The following MTREX variants were observed in gnomAD, a reference collection of about 807,000 sequenced individuals.
MTREX encodes the protein exosome RNA helicase MTR4.
Under a neutral mutation model 135.4 loss-of-function variants are expected in MTREX, and 76 were observed. The observed-to-expected ratio is 0.56, with a 90% CI of 0.47 to 0.68. MTREX has a LOEUF of 0.68. MTREX is among the 30% of genes least tolerant of loss of function. The pLI is 0.00. For missense variants in MTREX, 920 were observed against 1,262.1 expected (o/e 0.73, Z 4.11); for synonymous variants, 404 against 401.6 (o/e 1.01, Z -0.07).
chr5:55,355,778 CTT>C (rs916545658), intron 14 of MTREX, among the ~76,000 whole-genome samples: 1 of 152,164 alleles, frequency 6.6e-6, no homozygotes, highest in Non-Finnish European at 1.5e-5. Flanking sequence ...AAGGCATAAG[CTT>C]TGTGTTTACC....
chr5:55,344,462 AAGAT>A (rs1301353221), intron 8 of MTREX, 56 bp from the exon 9 acceptor site: 3 of 1,097,924 alleles, frequency 2.7e-6, no homozygotes, highest in Admixed American at 1.9e-5. Context: ...AGGTTGGACT[AAGAT>A]ACAGTTTTAT....
chr5:55,340,238 C>G, intron 6 of MTREX, 54 bp downstream of exon 6: 2 of 1,355,050 alleles, frequency 1.5e-6, no homozygotes, highest in South Asian at 3.6e-5. Flanking sequence ...ATTAATGTGA[C>G]TATTCAGTTA....
rs113973060 is a variant in MTREX at position 55,399,510 on chromosome 5, C to T, written c.2293-723C>T. On this transcript the variant is annotated intron_variant, in intron 20 of 26. Coordinates refer to ENST00000230640, the MANE Select transcript of MTREX (RefSeq NM_015360.5). ...TTTTTATTTTTTTATTTTTTTGAGA[C>T]GGAGTCTTGCTCTGTCGCTCAAGCC... is the stretch of plus-strand genomic sequence containing the variant. Among the ~76,000 whole-genome samples the T allele has an allele frequency of 5.9e-3, 897 of 151,918 alleles. 8 individuals carry two copies. The highest frequency in any genetic ancestry group is 0.021 in the African/African-American group (857 of 41,446).
chr5:55,376,976 C>A (rs923933338), intron 16 of MTREX, among the ~76,000 whole-genome samples: 2 of 151,848 alleles, frequency 1.3e-5, no homozygotes, highest in East Asian at 3.9e-4. Context: ...GAGGCTGAGG[C>A]AGGAGAATCA....
chr5:55,317,825 A>G (rs1222223015), intron 1 of MTREX, among the ~76,000 whole-genome samples: 1 of 152,224 alleles, frequency 6.6e-6, no homozygotes, highest in African/African-American at 2.4e-5. Flanking sequence ...GAAACTATCA[A>G]CAGAGTAAAC....
intron 5 of MTREX, among the ~76,000 whole-genome samples, chr5:55,331,559 G>A (rs569224416): frequency 6.6e-6 from 1 of 152,238 alleles, no homozygotes; most frequent in East Asian, 1.9e-4. Context: ...TCTCCTCTTG[G>A]TTGGTTTTTC....
At chr5:55,424,678 T>C in intron 26 of MTREX, 42 bp from the exon 27 acceptor site, 1 of 1,456,606 alleles carries the variant, frequency 6.9e-7, no homozygotes, top group Non-Finnish European at 9.6e-7. Context: ...GTTAGGTGTT[T>C]TGTGGTCTTG....
chr5:55,354,662 A>G (rs948636572), intron 14 of MTREX, among the ~76,000 whole-genome samples: 1 of 728 alleles, frequency 1.4e-3, no homozygotes, highest in African/African-American at 7.5e-3. Context: ...TTGGGTCAGG[A>G]GGGCCTGGCC....
chr5:55,398,178 T>A (rs1246469594), intron 20 of MTREX, among the ~76,000 whole-genome samples: 1 of 151,864 alleles, frequency 6.6e-6, no homozygotes, highest in East Asian at 1.9e-4. Context: ...TTCCAGGCTC[T>A]ACAGTAAGCT....
At chr5:55,329,716 A>G (rs182609611) in intron 5 of MTREX, among the ~76,000 whole-genome samples, 76 of 152,226 alleles carry the variant, frequency 5.0e-4, no homozygotes, top group Non-Finnish European at 5.9e-5. Flanking sequence ...TTTGACTTGC[A>G]TAGTTTATGA....
At chr5:55,354,641 G>T (rs1409211658) in intron 14 of MTREX, among the ~76,000 whole-genome samples, 1 of 139,114 alleles carries the variant, frequency 7.2e-6, no homozygotes, top group Non-Finnish European at 1.5e-5. Context: ...ACATTTCTGG[G>T]CCAGAACTTC....
intron 7 of MTREX, among the ~76,000 whole-genome samples, chr5:55,342,304 C>G (rs1378042519): frequency 6.6e-6 from 1 of 152,158 alleles, no homozygotes; most frequent in African/African-American, 2.4e-5. Context: ...GTGAGAAATG[C>G]AAATTCAAAT....
chr5:55,330,872 A>G (rs949840135), intron 5 of MTREX, among the ~76,000 whole-genome samples: 4 of 151,664 alleles, frequency 2.6e-5, no homozygotes, highest in African/African-American at 9.7e-5. Context: ...TATTTATTAT[A>G]ATTTTATTTT....
chr5:55,376,345 C>T (rs1411154985), intron 16 of MTREX, among the ~76,000 whole-genome samples: 2 of 152,224 alleles, frequency 1.3e-5, no homozygotes, highest in Middle Eastern at 3.2e-3. Context: ...ACTCATTACC[C>T]GATCTCCAAG....
intron 19 of MTREX, among the ~76,000 whole-genome samples, chr5:55,395,498 G>C (rs1750633110): frequency 6.6e-6 from 1 of 152,176 alleles, no homozygotes; most frequent in Non-Finnish European, 1.5e-5. Context: ...AGAATCATCC[G>C]TGGATGCTGA....
Position 55,358,428 on chromosome 5 carries a change from C to A in MTREX, c.1534-145C>A. On this transcript the variant is annotated intron_variant, in intron 14 of 26. Coordinates refer to ENST00000230640, the MANE Select transcript of MTREX (RefSeq NM_015360.5). ...GCATTTTTGTGCTTTGACTTTAACTCTTCTCAAACTTCATGTTGTTTTTAA... is the reference window on the plus strand; with the variant it reads ...GCATTTTTGTGCTTTGACTTTAACTATTCTCAAACTTCATGTTGTTTTTAA... 3 of 678,272 alleles carry A rather than the reference C, an allele frequency of 4.4e-6. No homozygotes were observed. The South Asian group carries it at 7.4e-5, about 17-fold the overall frequency. The allele number at this position is 678,272 out of a possible 1,614,324, so 42.0% of individuals were successfully genotyped here. A position where few individuals can be genotyped will look rare whatever the true frequency, so the allele number is the denominator to read the frequency against.
chr5:55,382,000 T>C (rs1034596694), intron 18 of MTREX, among the ~76,000 whole-genome samples: 11 of 152,172 alleles, frequency 7.2e-5, no homozygotes, highest in African/African-American at 2.2e-4. Flanking sequence ...TGCATAATAT[T>C]TTTTCCCATT....
At chr5:55,402,818 T>TTGTG (rs1554034687) in intron 21 of MTREX, among the ~76,000 whole-genome samples, 1 of 46,524 alleles carries the variant, frequency 2.1e-5, no homozygotes, top group African/African-American at 6.3e-5. Context: ...TATAAGCACA[T>TTGTG]TATATGTGTG....
At chr5:55,337,146 A>G (rs1157468865) in intron 5 of MTREX, among the ~76,000 whole-genome samples, 1 of 152,100 alleles carries the variant, frequency 6.6e-6, no homozygotes, top group African/African-American at 2.4e-5. Context: ...TTTATGAGAC[A>G]GGGTCTTGCT....
Sources: allele counts gnomAD v4.1 joint callset (sites outside exome capture counted in the v4.1 genomes callset), GRCh38; gene constraint gnomAD v4.1.1; transcripts MANE v1.5; gene names NCBI Gene and HGNC (gene_info 2026-07-23, HGNC 2026-07-21).